Variants in IL17D observed in about 807,000 individuals in gnomAD.
IL17D encodes interleukin-17D.
In IL17D, 10 loss-of-function variants were observed where a neutral mutation model predicts 5.7. The observed-to-expected ratio is 1.75, with a 90% confidence interval of 1.08 to 2.97. The LOEUF is 2.97. Among genes scored for constraint, IL17D ranks in the 30% most tolerant of loss-of-function variants. The pLI is 0.00. For synonymous variants in IL17D, 172 were observed against 141.7 expected, an observed-to-expected ratio of 1.21 and a Z score of -1.52; for missense variants, 354 against 292.7, an observed-to-expected ratio of 1.21 and a Z score of -1.53.
At chr13:20,719,639 G>A (rs41520349) in intron 1 of IL17D, among the ~76,000 whole-genome samples, 1,978 of 152,310 alleles carry the variant, frequency 0.013, 50 homozygotes, top group African/African-American at 0.046. Context: ...CCATTTACCT[G>A]GGTTCCCCAA....
At chr13:20,712,315 G>GTCTTAA (rs1297189591) in intron 1 of IL17D, 2 of 152,400 alleles carry the variant, frequency 1.3e-5, no homozygotes, top group Non-Finnish European at 2.9e-5. Flanking sequence ...CAGGCCGGGT[G>GTCTTAA]CAGTGGCTCA....
intron 1 of IL17D, among the ~76,000 whole-genome samples, chr13:20,720,687 T>A (rs2058724583): frequency 6.6e-6 from 1 of 152,172 alleles, no homozygotes. Context: ...CTTGGAGTCA[T>A]TGCTGACTTT....
chr13:20,710,685 T>C (rs912793760), intron 1 of IL17D, among the ~76,000 whole-genome samples: 6 of 141,196 alleles, frequency 4.2e-5, no homozygotes, highest in African/African-American at 1.6e-4. Context: ...ACCAGTACAG[T>C]ACTCTGAATA....
At chr13:20,713,123 G>A (rs2058653304) in intron 1 of IL17D, 1 of 152,150 alleles carries the variant, frequency 6.6e-6, no homozygotes, top group South Asian at 2.1e-4. Context: ...TAGTACATGA[G>A]CACAGGTGCA....
At chr13:20,713,366 G>A (rs1212345315) in intron 1 of IL17D, 1 of 152,126 alleles carries the variant, frequency 6.6e-6, no homozygotes, top group Non-Finnish European at 1.5e-5. Flanking sequence ...CCCCTAAAAT[G>A]TTTGTATGCT....
chr13:20,704,272 G>A lies in IL17D; in HGVS notation c.271G>A (p.Val91Met). 2 of 1,270,150 alleles carry A rather than the reference G, an allele frequency of 1.6e-6. No individual in the cohort carries two copies. The highest frequency in any genetic ancestry group is 2.0e-6 in the Non-Finnish European group (2 of 1,010,716). 78.7% of individuals were successfully genotyped at this position (1,270,150 alleles called of 1,614,324 possible). A position where few individuals can be genotyped will look rare whatever the true frequency, so the allele number is the denominator to read the frequency against. The change falls in exon 1 of 2, where the codon GTG (valine) becomes ATG (methionine). Residue 91 changes from valine to methionine, a missense_variant. Transcript: ENST00000682841. ...RFRPPTNLRS[V>M]SPWAYRISYD... The stretch of plus-strand genomic sequence containing the variant: ...CCGGCCGCCCACCAACCTGCGCAGC[G>A]TGTCGCCCTGGGCCTACAGGTGAGC...
At chr13:20,718,428 G>A (rs567881502) in intron 1 of IL17D, among the ~76,000 whole-genome samples, 20 of 138,688 alleles carry the variant, frequency 1.4e-4, no homozygotes, top group African/African-American at 5.4e-4. Flanking sequence ...ATACGTGCCC[G>A]TGCTCACACA....
chr13:20,718,502 CCA>C (rs2058698002), intron 1 of IL17D, among the ~76,000 whole-genome samples: 7 of 113,100 alleles, frequency 6.2e-5, no homozygotes, highest in Non-Finnish European at 1.5e-4. Flanking sequence ...ACACACCTGC[CCA>C]CACTCAGACA....
intron 1 of IL17D, among the ~76,000 whole-genome samples, chr13:20,711,603 G>T (rs1406171616): frequency 1.3e-5 from 2 of 152,182 alleles, no homozygotes; most frequent in Non-Finnish European, 2.9e-5. Flanking sequence ...CTTTCAAATA[G>T]ACACCCTAGG....
chr13:20,707,630 C>G (rs1048252069), intron 1 of IL17D, among the ~76,000 whole-genome samples: 1 of 152,100 alleles, frequency 6.6e-6, no homozygotes, highest in Non-Finnish European at 1.5e-5. Context: ...AAGGGATCCT[C>G]CTACCTCAGC....
At chr13:20,712,317 AG>A (rs1340687677) in intron 1 of IL17D, 2 of 152,392 alleles carry the variant, frequency 1.3e-5, no homozygotes, top group Non-Finnish European at 2.9e-5. Context: ...GGCCGGGTGC[AG>A]TGGCTCATGC....
At chr13:20,710,161 G>T (rs116473969) in intron 1 of IL17D, among the ~76,000 whole-genome samples, 52 of 152,228 alleles carry the variant, frequency 3.4e-4, no homozygotes, top group African/African-American at 1.2e-3. Context: ...GTGGCATAAT[G>T]TTTGTTTCTC....
chr13:20,720,693 A>T (rs2058724621), intron 1 of IL17D, among the ~76,000 whole-genome samples: 3 of 152,094 alleles, frequency 2.0e-5, no homozygotes, highest in Admixed American at 2.0e-4. Flanking sequence ...GTCATTGCTG[A>T]CTTTCTGTCC....
At chr13:20,708,367 G>A (rs2058606688) in intron 1 of IL17D, among the ~76,000 whole-genome samples, 1 of 152,208 alleles carries the variant, frequency 6.6e-6, no homozygotes, top group Non-Finnish European at 1.5e-5. Flanking sequence ...ATGGAGACCT[G>A]GGTCATTCAG....
intron 1 of IL17D, 58 bp from the exon 2 acceptor site, chr13:20,721,578 C>T: frequency 6.9e-7 from 1 of 1,453,638 alleles, no homozygotes; most frequent in Non-Finnish European, 9.3e-7. Context: ...CCAGGGATTT[C>T]AGCGCGCGGC....
At chr13:20,707,259 T>C (rs2141382757) in intron 1 of IL17D, among the ~76,000 whole-genome samples, 1 of 150,462 alleles carries the variant, frequency 6.6e-6, no homozygotes, top group South Asian at 2.1e-4. Context: ...AGCCCAGGAG[T>C]TTGAGACCAG....
At chr13:20,715,017 G>A (rs2058668435) in intron 1 of IL17D, among the ~76,000 whole-genome samples, 1 of 152,182 alleles carries the variant, frequency 6.6e-6, no homozygotes, top group Non-Finnish European at 1.5e-5. Flanking sequence ...CTTCCAATGT[G>A]GTGGTCCTGC....
intron 1 of IL17D, among the ~76,000 whole-genome samples, chr13:20,720,879 C>G (rs1170577512): frequency 2.1e-5 from 3 of 139,592 alleles, no homozygotes; most frequent in Non-Finnish European, 3.1e-5. Context: ...TCCCAACCCC[C>G]CCCCCCCTCC....
upstream of IL17D, chr13:20,703,141 C>T (rs377286262): frequency 3.5e-6 from 1 of 285,334 alleles, no homozygotes; most frequent in East Asian, 1.8e-4. Context: ...CCTCCTCCTG[C>T]GTGGCGCAGC....
Sources: allele counts gnomAD v4.1 joint callset (sites outside exome capture counted in the v4.1 genomes callset), GRCh38; gene constraint gnomAD v4.1.1; transcripts MANE v1.5; gene names NCBI Gene and HGNC (gene_info 2026-07-23, HGNC 2026-07-21).